Variants in ZNF212 observed in about 807,000 individuals in gnomAD.
The protein encoded by ZNF212 is zinc finger protein 212.
In ZNF212, 32 loss-of-function variants were observed where a neutral mutation model predicts 47.3. The observed-to-expected ratio is 0.68, with a 90% CI of 0.51 to 0.91. ZNF212 has a LOEUF of 0.91. Ranked by LOEUF, ZNF212 falls within the 40% of genes least tolerant of loss-of-function variation. ZNF212 has a pLI of 0.00. For missense variants in ZNF212, 555 were observed against 622.8 expected, an observed-to-expected ratio of 0.89 and a Z score of 1.16; for synonymous variants, 242 against 253.8, an observed-to-expected ratio of 0.95 and a Z score of 0.44.
rs1796558036 is a variant in ZNF212 at position 149,239,747 on chromosome 7, C to G, written c.-32C>G. On this transcript the variant is annotated 5_prime_UTR_variant, in exon 1 of 5. Coordinates refer to ENST00000335870, the MANE Select transcript of ZNF212 (RefSeq NM_012256.4). ...GGAACGCAGCACGGGGGCTCCGAGG[C>G]GGGGTCTGGGTGTTGAGGGGCGACT... is the stretch of plus-strand genomic sequence containing the variant. 5 of 1,278,382 alleles carry G rather than the reference C, an allele frequency of 3.9e-6. No individual in the cohort carries two copies. Among genetic ancestry groups the G allele is most frequent in the Non-Finnish European group, 5.0e-6 (5 of 1,006,054 alleles). The allele number at this position is 1,278,382 out of a possible 1,614,324, so 79.2% of individuals were successfully genotyped here.
At chr7:149,250,047 CT>C (rs1223881590) in intron 1 of ZNF212, 111 bp from the exon 2 acceptor site, 60 of 1,074,172 alleles carry the variant, frequency 5.6e-5, no homozygotes, top group South Asian at 1.1e-4. Flanking sequence ...AAAAGACATG[CT>C]TTTTTTTAAT....
rs745699128 is a variant in ZNF212, at chr7:149,250,320, A to G, written c.186A>G (p.Leu62=). Residue 62 remains leucine (L), a synonymous_variant, in exon 2 of 5, where the codon CTA becomes CTG. Coordinates refer to ENST00000335870, the MANE Select transcript of ZNF212 (RefSeq NM_012256.4). ...AGATGGAGTCCCAGGCTGCCCGGCT[A>G]CAGAGCCTGGAGGGGCGCACGGGGA... The part of the protein sequence containing the change: ...EKKMESQAAR[L]QSLEGRTGTA... 11 of 1,613,872 alleles carry G rather than the reference A, an allele frequency of 6.8e-6. No homozygotes were observed. The highest frequency in any genetic ancestry group is 2.2e-5 in the East Asian group (1 of 44,872).
At chr7:149,245,583 G>A (rs904852352) in intron 1 of ZNF212, among the ~76,000 whole-genome samples, 2 of 152,062 alleles carry the variant, frequency 1.3e-5, no homozygotes, top group African/African-American at 4.8e-5. Context: ...ATGGCTTCCT[G>A]CAGCCTCAAT....
At position 149,254,758 on chromosome 7, in the gene ZNF212, G is replaced by T. The variant is rs1372962163; in HGVS notation, c.*343G>T. On this transcript the variant is annotated 3_prime_UTR_variant, in exon 5 of 5. Transcript: ENST00000335870. The surrounding 1 kb of genome is among the most constrained non-coding windows in gnomAD (Gnocchi z 4.5). ...CCCGGCATTTCATGTCTTCCCACGG[G>T]GTTGAGTCGGGCCATAGGGGTGAGC... 7.0e-6 allele frequency: 2 copies of T among 287,544 alleles called. No homozygotes were observed. The highest frequency in any genetic ancestry group is 4.4e-5 in the African/African-American group (2 of 45,798). The allele number at this position is 287,544 out of a possible 1,614,324, so 17.8% of individuals were successfully genotyped here.
chr7:149,250,031 A>G, intron 1 of ZNF212, 128 bp from the exon 2 acceptor site: 6 of 860,504 alleles, frequency 7.0e-6, no homozygotes, highest in Non-Finnish European at 7.9e-6. Context: ...AATTTTTAGT[A>G]TCAATAAAAG....
chr7:149,253,894 A>G lies in ZNF212; in HGVS notation c.967A>G (p.Ile323Val). The G allele has an allele frequency of 3.1e-6, 5 of 1,614,020 alleles. No individual in the cohort carries two copies. The highest frequency in any genetic ancestry group is 4.2e-6 in the Non-Finnish European group (5 of 1,180,022). Residue 323 changes from isoleucine to valine, a missense_variant, in exon 5 of 5, where the codon ATC becomes GTC. Transcript: ENST00000335870. ...SRPYECSECE[I>V]TFRYKQQLAT... Reference sequence around the variant, plus strand: ...CCCCTACGAATGTTCTGAGTGTGAGATCACCTTCCGCTATAAGCAGCAGCT... The same window carrying G: ...CCCCTACGAATGTTCTGAGTGTGAGGTCACCTTCCGCTATAAGCAGCAGCT...
chr7:149,251,941 T>TTAA (rs1198353594), intron 3 of ZNF212, among the ~76,000 whole-genome samples: 1 of 109,540 alleles, frequency 9.1e-6, no homozygotes, highest in African/African-American at 3.5e-5. Context: ...CTCTGTTGCT[T>TTAA]AAAAAAAAAA....
chr7:149,246,813 C>CTTTTT (rs71194633), intron 1 of ZNF212, among the ~76,000 whole-genome samples: 1 of 103,584 alleles, frequency 9.7e-6, no homozygotes, highest in Admixed American at 1.2e-4. Flanking sequence ...TGTCTGAATT[C>CTTTTT]TTTTTTTTTT....
At position 149,239,656 on chromosome 7, in the gene ZNF212, G is replaced by A; in HGVS notation, c.-123G>A. The A allele has an allele frequency of 1.2e-6, 1 of 827,566 alleles. No individual in the cohort carries two copies. Among genetic ancestry groups the A allele is most frequent in the Non-Finnish European group, 1.6e-6 (1 of 615,610 alleles). The allele number at this position is 827,566 out of a possible 1,614,324, so 51.3% of individuals were successfully genotyped here. On this transcript the variant is annotated 5_prime_UTR_variant, in exon 1 of 5. The change abolishes an upstream ATG in the 5' untranslated region. Transcript: ENST00000335870. Reference sequence around the variant, plus strand: ...CCGGGGAGGTCGCTGCTCCCAGAATGCACCTGGCATCAACACGGCGGCGGC... The same window carrying A: ...CCGGGGAGGTCGCTGCTCCCAGAATACACCTGGCATCAACACGGCGGCGGC...
rs1476271756 is a variant in ZNF212 at position 149,252,724 on chromosome 7, A to C, written c.560A>C (p.Glu187Ala). ...CACCCAGAGGTCCTTGGCCAGACAG[A>C]GGGAGAAGCGGAGTTGGGTACAGAG... Reference protein sequence around the residue: ...LVSLKVLGQTEGEAELGTEML... With the variant: ...LVSLKVLGQTAGEAELGTEML... Residue 187 changes from glutamate to alanine, a missense_variant, in exon 4 of 5, where the codon GAG (glutamate) becomes GCG (alanine). Glu to Ala is a moderately radical substitution (Grantham distance 107). Transcript: ENST00000335870. 3.5e-5 allele frequency: 56 copies of C among 1,613,978 alleles called. No individual in the cohort carries two copies. Among genetic ancestry groups the C allele is most frequent in the Non-Finnish European group, 4.7e-5 (55 of 1,180,032 alleles).
At chr7:149,252,563 C>A in intron 3 of ZNF212, 143 bp from the exon 4 acceptor site, 1 of 732,068 alleles carries the variant, frequency 1.4e-6, no homozygotes, top group Non-Finnish European at 2.3e-6. Flanking sequence ...TTGTCCCAAA[C>A]TGCTAGGGGA....
intron 1 of ZNF212, among the ~76,000 whole-genome samples, chr7:149,249,421 G>A (rs1796720913): frequency 6.6e-6 from 1 of 152,134 alleles, no homozygotes; most frequent in East Asian, 1.9e-4. Context: ...AAGATAAGAT[G>A]TAAGTGACAT....
rs1026817648 is a variant in ZNF212, at chr7:149,254,470, G to A, written c.*55G>A. 93 of 1,532,900 alleles carry A rather than the reference G, an allele frequency of 6.1e-5. No homozygotes were observed. In the African/African-American group the frequency reaches 7.2e-4, roughly 12 times the overall value. 95.0% of individuals were successfully genotyped at this position (1,532,900 alleles called of 1,614,324 possible). On this transcript the variant is annotated 3_prime_UTR_variant, in exon 5 of 5. Transcript: ENST00000335870. This position sits in a 1 kb window ranked among gnomAD's most constrained non-coding sequence, Gnocchi z 4.5. ...GGAGGGGGGTGGCATTGGTTCCCCC[G>A]AAGAGACACTGCAGTCAGGGACTGA...
At chr7:149,246,813 C>CTTTTTTTTTTTTTT (rs71194633) in intron 1 of ZNF212, among the ~76,000 whole-genome samples, 1 of 103,592 alleles carries the variant, frequency 9.7e-6, no homozygotes, top group Non-Finnish European at 1.9e-5. Context: ...TGTCTGAATT[C>CTTTTTTTTTTTTTT]TTTTTTTTTT....
rs1796790407 is a variant in ZNF212, at chr7:149,253,591, T to G, written c.664T>G (p.Tyr222Asp). The change falls in exon 5 of 5, where the codon TAT (tyrosine) becomes GAT (aspartate). Residue 222 changes from tyrosine (Y) to aspartate (D), a missense_variant. Physicochemically the swap from Tyr to Asp is radical, Grantham distance 160. Transcript: ENST00000335870. ...GGTCATGATCAAACAGGAGCTACAG[T>G]ATACACAGGAAGGCCCTGCGGATCT... is the stretch of plus-strand genomic sequence containing the variant. ...GGVMIKQELQ[Y>D]TQEGPADLPG... 6.2e-7 allele frequency: 1 copy of G among 1,612,666 alleles called. No homozygotes were observed. The highest frequency in any genetic ancestry group is 1.7e-5 in the Admixed American group (1 of 59,972).
chr7:149,246,258 T>A (rs182840824), intron 1 of ZNF212, among the ~76,000 whole-genome samples: 1 of 152,242 alleles, frequency 6.6e-6, no homozygotes, highest in Admixed American at 6.5e-5. Flanking sequence ...ACCATTTACA[T>A]ACAGTAAAAT....
At chr7:149,249,133 G>A (rs1376214664) in intron 1 of ZNF212, among the ~76,000 whole-genome samples, 1 of 152,152 alleles carries the variant, frequency 6.6e-6, no homozygotes, top group East Asian at 1.9e-4. Flanking sequence ...CCCAGTGTTG[G>A]TTTCAGTAAT....
intron 4 of ZNF212, among the ~76,000 whole-genome samples, chr7:149,253,225 T>C (rs547805336): frequency 3.3e-5 from 5 of 152,310 alleles, no homozygotes; most frequent in Admixed American, 2.0e-4. Context: ...AAATTTGTTA[T>C]TTTAACACTC....
At chr7:149,244,620 A>AT (rs1693858786) in intron 1 of ZNF212, among the ~76,000 whole-genome samples, 1 of 152,196 alleles carries the variant, frequency 6.6e-6, no homozygotes, top group Non-Finnish European at 1.5e-5. Context: ...GCCAGAAATG[A>AT]TTTTTTTAAT....
Sources: allele counts gnomAD v4.1 joint callset (sites outside exome capture counted in the v4.1 genomes callset), GRCh38; gene constraint gnomAD v4.1.1; non-coding constraint Gnocchi (gnomAD v3.1); transcripts MANE v1.5; gene names NCBI Gene and HGNC (gene_info 2026-07-23, HGNC 2026-07-21).